Variants in GTF3C1 observed in about 807,000 individuals in gnomAD.
The protein encoded by GTF3C1 is general transcription factor IIIC subunit 1, also known as general transcription factor 3C polypeptide 1.
GTF3C1 carries 57 observed loss-of-function variants against 226.7 expected under a neutral mutation model. The observed-to-expected ratio is 0.25, with a 90% CI of 0.20 to 0.31. The LOEUF (loss-of-function observed/expected upper bound fraction) is 0.31. Ranked by LOEUF, GTF3C1 falls within the 10% of genes least tolerant of loss-of-function variation. GTF3C1 has a pLI of 1.00. For synonymous variants in GTF3C1, 1,090 were observed against 1,084.8 expected, an observed-to-expected ratio of 1.00 and a Z score of -0.09; for missense variants, 2,217 against 2,776.1, an observed-to-expected ratio of 0.80 and a Z score of 4.53.
At chr16:27,495,180 C>CTGTCT (rs777697344) in intron 15 of GTF3C1, 31 bp downstream of exon 15, 1 of 1,561,710 alleles carries the variant, frequency 6.4e-7, no homozygotes, top group South Asian at 1.1e-5. Flanking sequence ...GCCTGCCCGC[C>CTGTCT]CCAGGTGCAG....
chr16:27,501,368 T>C (rs756955594), intron 11 of GTF3C1, 24 bp from the exon 12 acceptor site: 1 of 1,611,224 alleles, frequency 6.2e-7, no homozygotes. Flanking sequence ...AATAAGCAGA[T>C]AACACTCCCA....
At chr16:27,540,648 A>T (rs1442247548) in intron 2 of GTF3C1, among the ~76,000 whole-genome samples, 1 of 152,158 alleles carries the variant, frequency 6.6e-6, no homozygotes, top group East Asian at 1.9e-4. Context: ...TTCTACCTTC[A>T]AGGAGCTCAC....
At position 27,464,797 on chromosome 16, in the gene GTF3C1, T is replaced by C; in HGVS notation, c.5395A>G (p.Asn1799Asp). 2 of 1,530,340 alleles carry C rather than the reference T, an allele frequency of 1.3e-6. No individual in the cohort carries two copies. Among genetic ancestry groups the C allele is most frequent in the East Asian group, 2.3e-5 (1 of 44,110 alleles). The allele number at this position is 1,530,340 out of a possible 1,614,324, so 94.8% of individuals were successfully genotyped here. The part of the protein sequence containing the change: ...EQHQVLEVGG[N>D]TARLVAMGSA... Reference sequence around the variant, plus strand: ...CCCATGGCTACCAGGCGCGCAGTGTTGCCACCGACCTCCAGCACCTGATGC... The same window carrying C: ...CCCATGGCTACCAGGCGCGCAGTGTCGCCACCGACCTCCAGCACCTGATGC... Residue 1799 changes from asparagine to aspartate, a missense_variant, in exon 34 of 37, where the codon AAC (asparagine) becomes GAC (aspartate). Asn to Asp is a conservative substitution (Grantham distance 23). Around this residue, in one of 12 missense-constraint regions of GTF3C1, gnomAD observed 455 missense variants for 441.9 expected, o/e 1.03. Coordinates refer to ENST00000356183, the MANE Select transcript of GTF3C1 (RefSeq NM_001520.4).
At chr16:27,480,061 C>G (rs565971065) in intron 27 of GTF3C1, among the ~76,000 whole-genome samples, 1 of 151,996 alleles carries the variant, frequency 6.6e-6, no homozygotes, top group South Asian at 2.1e-4. Flanking sequence ...ATTAGCCAGG[C>G]CTGGTGGCGG....
At position 27,492,607 on chromosome 16, in the gene GTF3C1, G is replaced by A; in HGVS notation, c.2973+10C>T. The A allele has an allele frequency of 3.8e-6, 6 of 1,567,386 alleles. No homozygotes were observed. The highest frequency in any genetic ancestry group is 4.4e-6 in the Non-Finnish European group (5 of 1,137,374). The stretch of plus-strand genomic sequence containing the variant: ...CAGAATTTCCTTCGTTTGGGCTTGA[G>A]GGACATTACCTGATCTTTATCCTGA... On this transcript the variant is annotated intron_variant, in intron 18 of 36. Transcript: ENST00000356183. The surrounding 1 kb of genome is among the most constrained non-coding windows in gnomAD (Gnocchi z 5.0).
chr16:27,461,507 A>G lies in GTF3C1; in HGVS notation c.6173T>C (p.Val2058Ala), dbSNP rs185854010. 3.7e-6 allele frequency: 6 copies of G among 1,614,008 alleles called. No homozygotes were observed. In the Admixed American group the frequency reaches 5.0e-5, roughly 13 times the overall value. The change falls in exon 37 of 37, where the codon GTC becomes GCC. Residue 2058 changes from valine (V) to alanine (A), a missense_variant. Val to Ala is a moderately conservative substitution (Grantham distance 64). Coordinates refer to ENST00000356183, the MANE Select transcript of GTF3C1 (RefSeq NM_001520.4). The surrounding 1 kb of genome is among the most constrained non-coding windows in gnomAD (Gnocchi z 5.3). ...RKRWLRKPRP[V>A]SLFSTPVVEE... ...CACCACGGGTGTAGAGAAGAGCGAG[A>G]CAGGCCTTGGCTTTCTCAGCCAGCG...
intron 26 of GTF3C1, 108 bp downstream of exon 26, chr16:27,482,936 C>G: frequency 1.1e-6 from 1 of 887,796 alleles, no homozygotes; most frequent in South Asian, 1.5e-5. Flanking sequence ...GAAACAAAGT[C>G]CACGTTCCTA....
intron 6 of GTF3C1, among the ~76,000 whole-genome samples, chr16:27,514,208 T>G (rs2088619898): frequency 6.6e-6 from 1 of 152,188 alleles, no homozygotes; most frequent in African/African-American, 2.4e-5. Flanking sequence ...AGAGGCAATC[T>G]AAGGCCCCGG....
intron 27 of GTF3C1, among the ~76,000 whole-genome samples, chr16:27,478,851 CAAA>C (rs770105315): frequency 1.2e-5 from 1 of 80,392 alleles, no homozygotes; most frequent in African/African-American, 4.7e-5. Flanking sequence ...TGTTACAATC[CAAA>C]AAAAAAAAAA....
At chr16:27,473,475 A>G (rs1391377342) in intron 29 of GTF3C1, among the ~76,000 whole-genome samples, 1 of 152,260 alleles carries the variant, frequency 6.6e-6, no homozygotes, top group African/African-American at 2.4e-5. Context: ...GCACTGGCCA[A>G]GAAAAATCCC....
At chr16:27,504,076 G>A (rs532056570) in intron 10 of GTF3C1, among the ~76,000 whole-genome samples, 4 of 152,362 alleles carry the variant, frequency 2.6e-5, no homozygotes, top group East Asian at 3.9e-4. Flanking sequence ...GGAAAACCAC[G>A]TGAGTGAATC....
At position 27,469,562 on chromosome 16, in the gene GTF3C1, T is replaced by C; in HGVS notation, c.4815-12A>G. 1 of 1,605,004 alleles carries C rather than the reference T, an allele frequency of 6.2e-7. No individual in the cohort carries two copies. The highest frequency in any genetic ancestry group is 8.5e-7 in the Non-Finnish European group (1 of 1,172,916). On this transcript the variant is annotated splice_polypyrimidine_tract_variant and intron_variant, in intron 31 of 36. Coordinates refer to ENST00000356183, the MANE Select transcript of GTF3C1 (RefSeq NM_001520.4). The surrounding 1 kb of genome is among the most constrained non-coding windows in gnomAD (Gnocchi z 4.5). ...CGTCCTTCCCCAAGCTAGAAGGGAATTGTGACCTGGATACCTGAGCATAGG... is the reference window on the plus strand; with the variant it reads ...CGTCCTTCCCCAAGCTAGAAGGGAACTGTGACCTGGATACCTGAGCATAGG...
rs2087690132 is a variant in GTF3C1, at chr16:27,460,753, A to G, written c.*597T>C. On this transcript the variant is annotated 3_prime_UTR_variant, in exon 37 of 37. Transcript: ENST00000356183. ...CAGGGACTCTTCATTTCTGGCCTGC[A>G]AGGAATCACCAGCCAGGCTGAGGGA... is the stretch of plus-strand genomic sequence containing the variant. 6.6e-6 allele frequency: 1 copy of G among 152,226 alleles called. No homozygotes were observed. The highest frequency in any genetic ancestry group is 1.5e-5 in the Non-Finnish European group (1 of 68,042). 9.4% of individuals were successfully genotyped at this position (152,226 alleles called of 1,614,324 possible).
intron 15 of GTF3C1, 40 bp downstream of exon 15, chr16:27,495,171 C>T (rs751686467): frequency 6.7e-7 from 1 of 1,503,216 alleles, no homozygotes; most frequent in Non-Finnish European, 9.2e-7. Flanking sequence ...TACTACTGGG[C>T]CTGCCCGCCC....
In GTF3C1 at chr16:27,461,738, C is replaced by T; in HGVS notation, c.6118-176G>A. On this transcript the variant is annotated intron_variant, in intron 36 of 36. Transcript: ENST00000356183. The surrounding 1 kb of genome is among the most constrained non-coding windows in gnomAD (Gnocchi z 5.3). ...GTACCAGGAGGGTTCAGGCAAAGGCCCTGGTGGGAGAGGCAGCTGCCTGAG... is the reference window on the plus strand; with the variant it reads ...GTACCAGGAGGGTTCAGGCAAAGGCTCTGGTGGGAGAGGCAGCTGCCTGAG... 1 of 604,928 alleles carries T rather than the reference C, an allele frequency of 1.7e-6. No individual in the cohort carries two copies. The allele number at this position is 604,928 out of a possible 1,614,324, so 37.5% of individuals were successfully genotyped here. A position where few individuals can be genotyped will look rare whatever the true frequency, so the allele number is the denominator to read the frequency against.
In GTF3C1 at chr16:27,484,275, A is replaced by G; in HGVS notation, c.3937T>C (p.Ser1313Pro). Residue 1313 changes from serine (S) to proline (P), a missense_variant, in exon 25 of 37, where the codon TCT (serine) becomes CCT (proline). Transcript: ENST00000356183. Reference sequence around the variant, plus strand: ...CGAGCTCTTCGTCCAACGGAATGAGATGTTTTATCCAAAGACTCTTCAAAC... The same window carrying G: ...CGAGCTCTTCGTCCAACGGAATGAGGTGTTTTATCCAAAGACTCTTCAAAC... ...ATFEESLDKT[S>P]HSVGRRARYI... is the part of the protein sequence containing the mutation. 1.2e-6 allele frequency: 2 copies of G among 1,607,288 alleles called. No individual in the cohort carries two copies. Among genetic ancestry groups the G allele is most frequent in the Non-Finnish European group, 1.7e-6 (2 of 1,173,818 alleles).
At chr16:27,480,819 C>A in intron 27 of GTF3C1, 1 of 447,806 alleles carries the variant, frequency 2.2e-6, no homozygotes, top group Non-Finnish European at 4.0e-6. Flanking sequence ...GTAAAGTAAG[C>A]AAACCTAGCA....
chr16:27,491,779 A>G (rs2088236588), intron 19 of GTF3C1, among the ~76,000 whole-genome samples: 1 of 152,150 alleles, frequency 6.6e-6, no homozygotes, highest in Non-Finnish European at 1.5e-5. Flanking sequence ...TTTCTCCAAC[A>G]TACCACTCAA....
intron 15 of GTF3C1, 48 bp from the exon 16 acceptor site, chr16:27,494,956 C>A: frequency 6.4e-7 from 1 of 1,556,922 alleles, no homozygotes; most frequent in Non-Finnish European, 8.8e-7. Flanking sequence ...ATACCAGTCA[C>A]CATGGTGACA....
Sources: gnomAD v4.1 joint callset for allele counts (sites outside exome capture counted in the v4.1 genomes callset) on GRCh38, gnomAD v4.1.1 for gene constraint, gnomAD v4.1.1 regional missense constraint, Gnocchi (gnomAD v3.1) non-coding constraint, MANE v1.5 for transcripts, NCBI Gene and HGNC (gene_info 2026-07-23, HGNC 2026-07-21) for gene names.